LMF1: variants seen among roughly 807,000 people sequenced by gnomAD.
LMF1 encodes lipase maturation factor 1, also known as transmembrane protein 112.
Under a neutral mutation model 60.6 loss-of-function variants are expected in LMF1, and 68 were observed. That is an observed-to-expected ratio of 1.12 (90% CI 0.92 to 1.37). The LOEUF is 1.37. Ranked by LOEUF, LMF1 falls within the 40% of genes most tolerant of loss-of-function variation. LMF1 has a pLI of 0.00. For synonymous variants in LMF1, 418 were observed against 324.7 expected (o/e 1.29, Z -3.09); for missense variants, 948 against 767.2 (o/e 1.24, Z -2.78).
At chr16:896,475 A>T (rs911287485) in intron 4 of LMF1, among the ~76,000 whole-genome samples, 1 of 152,230 alleles carries the variant, frequency 6.6e-6, no homozygotes, top group African/African-American at 2.4e-5. Flanking sequence ...ACTGAGAGTC[A>T]GGTCTTCTGG....
chr16:954,751 G>A lies in LMF1; in HGVS notation c.194-85C>T, dbSNP rs1197242524. On this transcript the variant is annotated intron_variant, in intron 1 of 10. Transcript: ENST00000262301. ...GGGCGCAGCTCAGAATGCGGGGCGAGGCAGGCGGGAAGGGGAGGCAGAGTC... is the reference window on the plus strand; with the variant it reads ...GGGCGCAGCTCAGAATGCGGGGCGAAGCAGGCGGGAAGGGGAGGCAGAGTC... The A allele has an allele frequency of 9.1e-6, 12 of 1,312,542 alleles. No individual in the cohort carries two copies. In the Admixed American group the frequency reaches 2.6e-4, roughly 28 times the overall value. The allele number at this position is 1,312,542 out of a possible 1,614,324, so 81.3% of individuals were successfully genotyped here.
chr16:867,939 G>A (rs2069659573), intron 10 of LMF1, among the ~76,000 whole-genome samples: 1 of 152,152 alleles, frequency 6.6e-6, no homozygotes, highest in Admixed American at 6.5e-5. Flanking sequence ...GGGGTCTCCA[G>A]GCAGCTGTGA....
chr16:977,448 C>G (rs1194964891), intron 1 of LMF1, among the ~76,000 whole-genome samples: 1 of 152,212 alleles, frequency 6.6e-6, no homozygotes, highest in Non-Finnish European at 1.5e-5. Flanking sequence ...TGTAGTCACT[C>G]TGTCTCTGCC....
intron 3 of LMF1, among the ~76,000 whole-genome samples, chr16:920,328 G>A (rs935493652): frequency 3.3e-5 from 5 of 152,204 alleles, no homozygotes; most frequent in African/African-American, 7.2e-5. Flanking sequence ...CCACACGGAC[G>A]CAGGAAAGCA....
rs2070687786 is a variant in LMF1, at chr16:897,162, C to A, written c.664-4090G>T. The stretch of plus-strand genomic sequence containing the variant: ...AACGTGTGGCTGCAGCAGCTCTTCT[C>A]CTGATGCCTGTGTGTCCTGGGACAC... On this transcript the variant is annotated intron_variant, in intron 4 of 10. Coordinates refer to ENST00000262301, the MANE Select transcript of LMF1 (RefSeq NM_022773.4). This position sits in a 1 kb window ranked among gnomAD's most constrained non-coding sequence, Gnocchi z 4.3. 6.6e-6 allele frequency among the ~76,000 whole-genome samples: 1 copy of A among 152,222 alleles called. No individual in the cohort carries two copies. Among genetic ancestry groups the A allele is most frequent in the Non-Finnish European group, 1.5e-5 (1 of 68,038 alleles).
chr16:921,498 C>T (rs776313855), intron 3 of LMF1, among the ~76,000 whole-genome samples: 1 of 152,246 alleles, frequency 6.6e-6, no homozygotes, highest in African/African-American at 2.4e-5. Flanking sequence ...CAAAACGCTC[C>T]ACGCGTTCTC....
At chr16:893,599 C>T (rs1253998135) in intron 4 of LMF1, among the ~76,000 whole-genome samples, 5 of 152,050 alleles carry the variant, frequency 3.3e-5, no homozygotes, top group African/African-American at 4.8e-5. Flanking sequence ...TCCTGGGGCA[C>T]GGGACAGGCT....
chr16:874,816 G>A lies in LMF1; in HGVS notation c.898-3475C>T, dbSNP rs1240991853. Among the ~76,000 whole-genome samples, 2 of 152,248 alleles carry A rather than the reference G, an allele frequency of 1.3e-5. No homozygotes were observed. Among genetic ancestry groups the A allele is most frequent in the East Asian group, 1.9e-4 (1 of 5,172 alleles). On this transcript the variant is annotated intron_variant, in intron 6 of 10. Coordinates refer to ENST00000262301, the MANE Select transcript of LMF1 (RefSeq NM_022773.4). This position sits in a 1 kb window ranked among gnomAD's most constrained non-coding sequence, Gnocchi z 4.1. ...AGTCTCAGGGCACTCGGCTGTCACAGCGCGGCACAGGGGAGTACGCAGCCC... is the reference window on the plus strand; with the variant it reads ...AGTCTCAGGGCACTCGGCTGTCACAACGCGGCACAGGGGAGTACGCAGCCC...
At chr16:978,366 T>C (rs11865474) in intron 1 of LMF1, among the ~76,000 whole-genome samples, 47,024 of 144,446 alleles carry the variant, frequency 0.33, 8,165 homozygotes, top group African/African-American at 0.49. Flanking sequence ...CACACACACA[T>C]GAACACACGC....
intron 1 of LMF1, among the ~76,000 whole-genome samples, chr16:960,396 CCCAGACACAGA>C: frequency 2.1e-5 from 2 of 94,450 alleles, no homozygotes; most frequent in African/African-American, 5.0e-5. Context: ...GGGATCACGA[CCCAGACACAGA>C]CTCACGGTGA....
intron 5 of LMF1, among the ~76,000 whole-genome samples, chr16:887,581 C>T (rs2070346650): frequency 6.6e-6 from 1 of 152,176 alleles, no homozygotes; most frequent in South Asian, 2.1e-4. Flanking sequence ...ACCCCCTCAG[C>T]CACTCCCACC....
At chr16:929,423 C>T (rs867066495) in intron 3 of LMF1, among the ~76,000 whole-genome samples, 4 of 152,286 alleles carry the variant, frequency 2.6e-5, no homozygotes, top group Admixed American at 6.5e-5. Flanking sequence ...ACTTGGGGGA[C>T]GGTGCATTGT....
At chr16:944,370 T>C (rs2072185093) in intron 2 of LMF1, among the ~76,000 whole-genome samples, 1 of 152,234 alleles carries the variant, frequency 6.6e-6, no homozygotes, top group African/African-American at 2.4e-5. Flanking sequence ...TAGCTTTCTG[T>C]GGTGATGTCT....
intron 1 of LMF1, among the ~76,000 whole-genome samples, chr16:955,641 A>G (rs1396215540): frequency 6.6e-6 from 1 of 152,264 alleles, no homozygotes; most frequent in Non-Finnish European, 1.5e-5. Flanking sequence ...ATAGAAGCAA[A>G]CTAGATGCTT....
At chr16:893,244 A>G in intron 4 of LMF1, 172 bp from the exon 5 acceptor site, 1 of 691,880 alleles carries the variant, frequency 1.4e-6, no homozygotes, top group Non-Finnish European at 2.6e-6. Flanking sequence ...GCAGAATTTG[A>G]GAAGGGCAGA....
intron 2 of LMF1, among the ~76,000 whole-genome samples, chr16:938,185 C>T (rs941184755): frequency 4.6e-5 from 7 of 152,244 alleles, no homozygotes; most frequent in Non-Finnish European, 7.3e-5. Context: ...TGCCAGCTAG[C>T]ACTGGCAAGG....
At position 907,464 on chromosome 16, in the gene LMF1, C is replaced by T. The variant is rs565867628; in HGVS notation, c.663+3467G>A. Among the ~76,000 whole-genome samples the T allele has an allele frequency of 7.9e-5, 12 of 152,160 alleles. No individual in the cohort carries two copies. In the South Asian group the frequency reaches 1.2e-3, roughly 16 times the overall value. ...TGGTGGCCTTGAGGCCTGCAGCTGA[C>T]GTCCAGCTCCGGCGGGCACAGAGGC... On this transcript the variant is annotated intron_variant, in intron 4 of 10. Transcript: ENST00000262301.
intron 10 of LMF1, among the ~76,000 whole-genome samples, chr16:859,534 G>A (rs1313420725): frequency 8.6e-4 from 26 of 30,312 alleles, no homozygotes; most frequent in South Asian, 1.4e-3. Flanking sequence ...GGTGTGAGTG[G>A]TGTCTCGGGA....
rs144165966 is a variant in LMF1 at position 889,088 on chromosome 16, T to C, written c.729+3919A>G. On this transcript the variant is annotated intron_variant, in intron 5 of 10. Transcript: ENST00000262301. Reference sequence around the variant, plus strand: ...CTGCGGGGTCTGCACTCACCCTGGGTAGAGGTCGTCAGAACTGAGTTAGCT... The same window carrying C: ...CTGCGGGGTCTGCACTCACCCTGGGCAGAGGTCGTCAGAACTGAGTTAGCT... Among the ~76,000 whole-genome samples, 410 of 152,124 alleles carry C rather than the reference T, an allele frequency of 2.7e-3. 2 individuals are homozygous for C. The highest frequency in any genetic ancestry group is 4.1e-3 in the South Asian group (20 of 4,820).
Sources: gnomAD v4.1 joint callset for allele counts (sites outside exome capture counted in the v4.1 genomes callset) on GRCh38, gnomAD v4.1.1 for gene constraint, Gnocchi (gnomAD v3.1) non-coding constraint, MANE v1.5 for transcripts, NCBI Gene and HGNC (gene_info 2026-07-23, HGNC 2026-07-21) for gene names.